The following LRFN2 variants were observed in gnomAD, a reference collection of about 807,000 sequenced individuals.
The protein encoded by LRFN2 is leucine-rich repeat and fibronectin type-III domain-containing protein 2.
In LRFN2, 18 loss-of-function variants were observed where a neutral mutation model predicts 37.3. That is an observed-to-expected ratio of 0.48 (90% CI 0.33 to 0.72). The LOEUF is 0.72. LRFN2 is among the 30% of genes least tolerant of loss of function. The probability of loss-of-function intolerance (pLI) is 0.02; values close to 1 mark genes in which losing one functional copy is unlikely to be tolerated. For synonymous variants in LRFN2, 556 were observed against 466.6 expected, an observed-to-expected ratio of 1.19 and a Z score of -2.47; for missense variants, 1,006 against 1,060.7, an observed-to-expected ratio of 0.95 and a Z score of 0.72.
At chr6:40,458,522 C>A (rs886714282) in intron 1 of LRFN2, among the ~76,000 whole-genome samples, 1 of 152,176 alleles carries the variant, frequency 6.6e-6, no homozygotes, top group African/African-American at 2.4e-5. Flanking sequence ...TAGTCCAGAG[C>A]AACATAAAGT....
chr6:40,416,196 A>C (rs554831829), intron 2 of LRFN2, among the ~76,000 whole-genome samples: 2 of 152,292 alleles, frequency 1.3e-5, no homozygotes, highest in Admixed American at 6.5e-5. Flanking sequence ...TTTAGTAGAG[A>C]TAGGATTTCA....
chr6:40,509,741 G>C (rs1466471391), intron 1 of LRFN2, among the ~76,000 whole-genome samples: 1 of 151,810 alleles, frequency 6.6e-6, no homozygotes, highest in Non-Finnish European at 1.5e-5. Context: ...CTGAGTGCAT[G>C]CATGCAGGTA....
chr6:40,538,403 C>G (rs532537318), intron 1 of LRFN2, among the ~76,000 whole-genome samples: 1 of 152,180 alleles, frequency 6.6e-6, no homozygotes, highest in African/African-American at 2.4e-5. Flanking sequence ...AAGCCACCCC[C>G]ACCCCAGCTC....
chr6:40,548,395 C>T (rs796801468), intron 1 of LRFN2, among the ~76,000 whole-genome samples: 1 of 150,916 alleles, frequency 6.6e-6, no homozygotes, highest in Non-Finnish European at 1.5e-5. Context: ...GAGCAGAGAT[C>T]GTGCCATTGC....
chr6:40,540,389 T>C (rs1381192740), intron 1 of LRFN2, among the ~76,000 whole-genome samples: 1 of 152,164 alleles, frequency 6.6e-6, no homozygotes, highest in Non-Finnish European at 1.5e-5. Context: ...GATCCCAAGC[T>C]TTTGCAAAGC....
rs1763560371 is a variant in LRFN2, at chr6:40,433,261, C to T, written c.-18-130G>A. The T allele has an allele frequency of 1.5e-5, 10 of 649,278 alleles. No individual in the cohort carries two copies. In the South Asian group the frequency reaches 1.6e-4, roughly 10 times the overall value. 40.2% of individuals were successfully genotyped at this position (649,278 alleles called of 1,614,324 possible). A position where few individuals can be genotyped will look rare whatever the true frequency, so the allele number is the denominator to read the frequency against. On this transcript the variant is annotated intron_variant, in intron 1 of 2. Coordinates refer to ENST00000338305, the MANE Select transcript of LRFN2 (RefSeq NM_020737.3). ...AGAATGGCAAGTGCTCAAGCAAGAC[C>T]TAATCTCTTCCATGAATCCCTCTAA...
intron 1 of LRFN2, among the ~76,000 whole-genome samples, chr6:40,462,786 G>C (rs1764374346): frequency 6.6e-6 from 1 of 152,180 alleles, no homozygotes; most frequent in Non-Finnish European, 1.5e-5. Flanking sequence ...GTGGAAGCCA[G>C]GTCAGTCTGG....
At chr6:40,482,400 G>A (rs138386235) in intron 1 of LRFN2, among the ~76,000 whole-genome samples, 1 of 152,158 alleles carries the variant, frequency 6.6e-6, no homozygotes, top group East Asian at 1.9e-4. Flanking sequence ...GGGACCACGT[G>A]GAGGAGCCTC....
At chr6:40,519,060 C>T (rs1765970733) in intron 1 of LRFN2, among the ~76,000 whole-genome samples, 1 of 152,296 alleles carries the variant, frequency 6.6e-6, no homozygotes, top group East Asian at 1.9e-4. Context: ...AGGAGAACCA[C>T]CCCTTCTGCA....
intron 1 of LRFN2, among the ~76,000 whole-genome samples, chr6:40,522,186 T>C (rs941177730): frequency 1.3e-5 from 2 of 151,942 alleles, no homozygotes; most frequent in Non-Finnish European, 2.9e-5. Flanking sequence ...GGGCAAAACA[T>C]GGAAAAACTA....
At chr6:40,510,324 T>A (rs1765670848) in intron 1 of LRFN2, among the ~76,000 whole-genome samples, 1 of 152,108 alleles carries the variant, frequency 6.6e-6, no homozygotes, top group Admixed American at 6.5e-5. Flanking sequence ...CTAGAACACA[T>A]AACTTGAGGG....
chr6:40,404,371 G>A (rs956102848), intron 2 of LRFN2, among the ~76,000 whole-genome samples: 3 of 152,036 alleles, frequency 2.0e-5, no homozygotes, highest in Admixed American at 6.5e-5. Context: ...AGCACAGACC[G>A]TTGAAAACAT....
intron 1 of LRFN2, among the ~76,000 whole-genome samples, chr6:40,491,311 C>T (rs532584513): frequency 1.8e-4 from 27 of 152,344 alleles, no homozygotes; most frequent in African/African-American, 6.0e-4. Flanking sequence ...TCTTAGAGTG[C>T]ACCTGGAGGG....
At chr6:40,505,464 C>T (rs1765507982) in intron 1 of LRFN2, among the ~76,000 whole-genome samples, 1 of 152,268 alleles carries the variant, frequency 6.6e-6, no homozygotes, top group East Asian at 1.9e-4. Flanking sequence ...CGCAAATAAC[C>T]ATTTGCATGA....
intron 1 of LRFN2, among the ~76,000 whole-genome samples, chr6:40,474,420 C>CA (rs1764666868): frequency 6.6e-6 from 1 of 152,136 alleles, no homozygotes; most frequent in Non-Finnish European, 1.5e-5. Flanking sequence ...GTCTCTTCTC[C>CA]TTTTTTGTCT....
At chr6:40,578,217 G>A (rs746815423) in intron 1 of LRFN2, among the ~76,000 whole-genome samples, 12 of 152,134 alleles carry the variant, frequency 7.9e-5, no homozygotes, top group African/African-American at 2.4e-4. Flanking sequence ...TGTGGACCCC[G>A]TCTAGTTATG....
At chr6:40,568,006 C>T (rs180675193) in intron 1 of LRFN2, among the ~76,000 whole-genome samples, 1 of 152,314 alleles carries the variant, frequency 6.6e-6, no homozygotes. Flanking sequence ...GATCAATTTA[C>T]CCCCAAAACG....
At position 40,548,856 on chromosome 6, in the gene LRFN2, AC is replaced by A. The variant is rs1314816772; in HGVS notation, c.-19+38084del. On this transcript the variant is annotated intron_variant, in intron 1 of 2. Coordinates refer to ENST00000338305, the MANE Select transcript of LRFN2 (RefSeq NM_020737.3). ...GGAGGAAGGCCAGCCTAAGGACAAA[AC>A]CAGTTCACAGAGCACAGGGAAATGA... is the stretch of plus-strand genomic sequence containing the variant. 7.2e-5 allele frequency among the ~76,000 whole-genome samples: 11 copies of A among 152,270 alleles called. No homozygotes were observed. In the South Asian group the frequency reaches 2.3e-3, roughly 32 times the overall value.
At chr6:40,411,892 C>G (rs957267130) in intron 2 of LRFN2, among the ~76,000 whole-genome samples, 1 of 152,126 alleles carries the variant, frequency 6.6e-6, no homozygotes, top group African/African-American at 2.4e-5. Flanking sequence ...GCCCGTTTTC[C>G]TCTCATAAGG....
Sources: gnomAD v4.1 joint callset for allele counts (sites outside exome capture counted in the v4.1 genomes callset) on GRCh38, gnomAD v4.1.1 for gene constraint, MANE v1.5 for transcripts, NCBI Gene and HGNC (gene_info 2026-07-23, HGNC 2026-07-21) for gene names.